LRRC7: variants seen among roughly 807,000 people sequenced by gnomAD.
LRRC7 encodes the protein leucine-rich repeat-containing protein 7.
A neutral mutation model predicts 175.7 loss-of-function variants in LRRC7; 23 were observed. The observed-to-expected ratio is 0.13, with a 90% CI of 0.09 to 0.19. LRRC7 has a LOEUF of 0.19. Among genes scored for constraint, LRRC7 ranks in the 10% least tolerant of loss-of-function variants. The pLI, the probability that LRRC7 is intolerant of heterozygous loss-of-function variation, is 1.00. For synonymous variants in LRRC7, 685 were observed against 680.9 expected (o/e 1.01, Z -0.09); for missense variants, 1,354 against 1,904.7 (o/e 0.71, Z 5.38).
intron 1 of LRRC7, among the ~76,000 whole-genome samples, chr1:69,677,089 C>T (rs898158331): frequency 5.3e-5 from 8 of 150,226 alleles, no homozygotes; most frequent in African/African-American, 1.5e-4. Context: ...CACTTCCATC[C>T]GAGTTACTGA....
chr1:69,597,143 C>T (rs183390422), intron 1 of LRRC7, among the ~76,000 whole-genome samples: 76 of 152,218 alleles, frequency 5.0e-4, no homozygotes, highest in South Asian at 1.4e-3. Flanking sequence ...CTATATGTGA[C>T]GGTAAGTGTC....
At chr1:70,050,028 TA>T (rs1372296544) in intron 22 of LRRC7, among the ~76,000 whole-genome samples, 1 of 152,110 alleles carries the variant, frequency 6.6e-6, no homozygotes, top group African/African-American at 2.4e-5. Flanking sequence ...AAGCATACTG[TA>T]CACCCATCAA....
chr1:69,739,162 A>G (rs1668440624), intron 2 of LRRC7, among the ~76,000 whole-genome samples: 1 of 152,042 alleles, frequency 6.6e-6, no homozygotes, highest in South Asian at 2.1e-4. Context: ...TAAAGGACAT[A>G]GAGAAAGAAA....
intron 1 of LRRC7, among the ~76,000 whole-genome samples, chr1:69,610,480 GA>G (rs1414479397): frequency 6.6e-6 from 1 of 151,876 alleles, no homozygotes; most frequent in Non-Finnish European, 1.5e-5. Flanking sequence ...GCCTGAAATT[GA>G]TGACTTCTTG....
intron 2 of LRRC7, among the ~76,000 whole-genome samples, chr1:69,690,146 C>A (rs924849373): frequency 2.0e-5 from 3 of 152,208 alleles, no homozygotes; most frequent in African/African-American, 7.2e-5. Flanking sequence ...TGCAGCCAAA[C>A]CCTTCCTGAG....
At chr1:69,781,937 A>AG (rs1553155340) in intron 3 of LRRC7, among the ~76,000 whole-genome samples, 1 of 140,578 alleles carries the variant, frequency 7.1e-6, no homozygotes, top group Non-Finnish European at 1.6e-5. Context: ...AGAAAGAAAG[A>AG]AAGAGAAAAG....
chr1:69,717,281 G>T (rs1570477300), intron 2 of LRRC7, among the ~76,000 whole-genome samples: 2 of 151,538 alleles, frequency 1.3e-5, no homozygotes, highest in Non-Finnish European at 3.0e-5. Context: ...GTGTAAAATT[G>T]TGTTTCAATT....
chr1:69,816,557 G>C (rs1678625188), intron 4 of LRRC7, among the ~76,000 whole-genome samples: 1 of 152,146 alleles, frequency 6.6e-6, no homozygotes, highest in Non-Finnish European at 1.5e-5. Context: ...GTGTCCCAGT[G>C]AAAAAGGTGT....
rs571133703 is a variant in LRRC7, at chr1:69,657,560, C to T, written c.3-20821C>T. Reference sequence around the variant, plus strand: ...AAAATGTATACATTGTATTTTTCCCCGATGTGTCTTCTGTATGTAAAGTAT... The same window carrying T: ...AAAATGTATACATTGTATTTTTCCCTGATGTGTCTTCTGTATGTAAAGTAT... On this transcript the variant is annotated intron_variant, in intron 1 of 26. Transcript: ENST00000651989. Among the ~76,000 whole-genome samples the T allele has an allele frequency of 1.9e-4, 29 of 151,774 alleles. 1 individual carries two copies. The highest frequency in any genetic ancestry group is 1.0e-3 in the South Asian group (5 of 4,812).
intron 2 of LRRC7, among the ~76,000 whole-genome samples, chr1:69,685,555 A>G: frequency 6.6e-6 from 1 of 152,178 alleles, no homozygotes; most frequent in East Asian, 1.9e-4. Context: ...AATGGAAATT[A>G]TGTAACTGAA....
rs71583109 is a variant in LRRC7 at position 70,124,755 on chromosome 1, T to TA, written c.*2880dup. Reference sequence around the variant, plus strand: ...AAAAAAAAGTCAAGGGTGTGCCTTTTAAAAAAAAAAAAGAAAAATCAATAA... The same window carrying TA: ...AAAAAAAAGTCAAGGGTGTGCCTTTTAAAAAAAAAAAAAGAAAAATCAATAA... On this transcript the variant is annotated 3_prime_UTR_variant, in exon 27 of 27. Coordinates refer to ENST00000651989, the MANE Select transcript of LRRC7 (RefSeq NM_001370785.2). Among the ~76,000 whole-genome samples, 39,782 of 145,298 alleles carry TA rather than the reference T, an allele frequency of 0.27. 6,348 individuals are homozygous for TA. Among genetic ancestry groups the TA allele is most frequent in the Non-Finnish European group, 0.36 (24,107 of 66,172 alleles).
At chr1:69,818,595 GGGTTTGGT>G (rs1678873993) in intron 4 of LRRC7, among the ~76,000 whole-genome samples, 1 of 151,992 alleles carries the variant, frequency 6.6e-6, no homozygotes, top group South Asian at 2.1e-4. Context: ...TTTCTTGTCT[GGGTTTGGT>G]GTCAAGGTAA....
rs1331164550 is a variant in LRRC7, at chr1:70,135,512, C to A, written c.*13625C>A. Among the ~76,000 whole-genome samples the A allele has an allele frequency of 6.6e-6, 1 of 152,172 alleles. No homozygotes were observed. The highest frequency in any genetic ancestry group is 1.5e-5 in the Non-Finnish European group (1 of 68,020). On this transcript the variant is annotated 3_prime_UTR_variant, in exon 27 of 27. Transcript: ENST00000651989. ...AAGAGAAGAGAGCAGGAGAAGCTGT[C>A]ACTTAAAATGCACTGAGATCCTTTT... is the stretch of plus-strand genomic sequence containing the variant.
At chr1:69,633,478 G>A (rs1467327607) in intron 1 of LRRC7, among the ~76,000 whole-genome samples, 1 of 151,764 alleles carries the variant, frequency 6.6e-6, no homozygotes, top group Admixed American at 6.6e-5. Flanking sequence ...ACCCAGGCTG[G>A]AATGCAGTGG....
chr1:69,655,853 C>T (rs928328042), intron 1 of LRRC7, among the ~76,000 whole-genome samples: 1 of 152,112 alleles, frequency 6.6e-6, no homozygotes, highest in East Asian at 1.9e-4. Flanking sequence ...CAAGTCAAAC[C>T]ATCAAATCTT....
intron 4 of LRRC7, among the ~76,000 whole-genome samples, chr1:69,809,543 C>T (rs79304834): frequency 0.055 from 8,437 of 152,132 alleles, 317 homozygotes; most frequent in East Asian, 0.099. Context: ...ACTGGCAAGC[C>T]GAATCCAGCA....
chr1:69,832,628 T>C (rs554239173), intron 5 of LRRC7, among the ~76,000 whole-genome samples: 1 of 152,210 alleles, frequency 6.6e-6, no homozygotes, highest in African/African-American at 2.4e-5. Flanking sequence ...AGGAAGGACA[T>C]GGAAAAATGG....
intron 14 of LRRC7, among the ~76,000 whole-genome samples, chr1:70,016,999 C>T (rs1227788168): frequency 1.3e-5 from 2 of 152,078 alleles, no homozygotes; most frequent in Non-Finnish European, 2.9e-5. Flanking sequence ...AAATATCAGG[C>T]TGGGCGCGGT....
At chr1:69,590,009 A>G (rs1646570498) in intron 1 of LRRC7, among the ~76,000 whole-genome samples, 1 of 152,192 alleles carries the variant, frequency 6.6e-6, no homozygotes, top group Non-Finnish European at 1.5e-5. Context: ...GTCCTCGGCT[A>G]TATTTATCCT....
Sources: allele counts gnomAD v4.1 joint callset (sites outside exome capture counted in the v4.1 genomes callset), GRCh38; gene constraint gnomAD v4.1.1; transcripts MANE v1.5; gene names NCBI Gene and HGNC (gene_info 2026-07-23, HGNC 2026-07-21).